Variants in CUBN observed in about 807,000 individuals in gnomAD.
The protein encoded by CUBN is cubilin.
A neutral mutation model predicts 405.3 loss-of-function variants in CUBN; 282 were observed. The ratio of observed to expected loss-of-function variants is 0.70; its 90% CI spans 0.63 to 0.77. The LOEUF (loss-of-function observed/expected upper bound fraction) is 0.77, where lower values mean the gene tolerates loss of function less well. CUBN is among the 30% of genes least tolerant of loss of function. The pLI is 0.00. For synonymous variants in CUBN, 1,684 were observed against 1,617.0 expected, an observed-to-expected ratio of 1.04 and a Z score of -0.99; for missense variants, 4,514 against 4,475.2, an observed-to-expected ratio of 1.01 and a Z score of -0.25.
intron 64 of CUBN, among the ~76,000 whole-genome samples, chr10:16,833,240 C>T (rs1839061282): frequency 6.6e-6 from 1 of 152,166 alleles, no homozygotes; most frequent in African/African-American, 2.4e-5. Context: ...CTTTACACTT[C>T]ATATAAATAT....
chr10:16,945,243 A>T lies in CUBN; in HGVS notation c.5342+1992T>A, dbSNP rs1047926194. Among the ~76,000 whole-genome samples, 9 of 152,174 alleles carry T rather than the reference A, an allele frequency of 5.9e-5. No homozygotes were observed. In the East Asian group the frequency reaches 1.5e-3, roughly 26 times the overall value. On this transcript the variant is annotated intron_variant, in intron 36 of 66. Coordinates refer to ENST00000377833, the MANE Select transcript of CUBN (RefSeq NM_001081.4). ...TTTATTTGGCAATTCTGATAGGCCT[A>T]CTAAAGCTGTGCGAAGGGCTTTGGA...
chr10:16,873,721 CAAAAAAAAAAAA>C (rs56307605), intron 58 of CUBN, among the ~76,000 whole-genome samples: 1 of 116,486 alleles, frequency 8.6e-6, no homozygotes, highest in Non-Finnish European at 1.7e-5. Context: ...GACCTTCTCT[CAAAAAAAAAAAA>C]AAAAGAAAAG....
chr10:16,866,407 A>G (rs1378700459), intron 59 of CUBN, among the ~76,000 whole-genome samples: 4 of 152,188 alleles, frequency 2.6e-5, no homozygotes, highest in Middle Eastern at 3.2e-3. Context: ...ACACATAAAC[A>G]GAGTCAAGGC....
chr10:16,971,282 G>A (rs1335902592), intron 31 of CUBN, among the ~76,000 whole-genome samples: 1 of 152,306 alleles, frequency 6.6e-6, no homozygotes, highest in East Asian at 1.9e-4. Flanking sequence ...GTTGGACTTT[G>A]GGGTACGTTT....
chr10:17,123,000 T>C lies in CUBN; in HGVS notation c.490-102A>G, dbSNP rs1004763005. 2.0e-5 allele frequency: 16 copies of C among 794,392 alleles called. No individual in the cohort carries two copies. In the Admixed American group the frequency reaches 3.0e-4, roughly 15 times the overall value. The allele number at this position is 794,392 out of a possible 1,614,324, so 49.2% of individuals were successfully genotyped here. ...TAAGGATTTATACGTGGACAGTATATAAGTCCTCATAAAGTCAAATACAAT... is the reference window on the plus strand; with the variant it reads ...TAAGGATTTATACGTGGACAGTATACAAGTCCTCATAAAGTCAAATACAAT... On this transcript the variant is annotated intron_variant, in intron 5 of 66. Coordinates refer to ENST00000377833, the MANE Select transcript of CUBN (RefSeq NM_001081.4).
intron 31 of CUBN, among the ~76,000 whole-genome samples, chr10:16,969,136 A>G (rs886513786): frequency 2.0e-5 from 3 of 152,258 alleles, no homozygotes; most frequent in Non-Finnish European, 4.4e-5. Flanking sequence ...TTGTATATCA[A>G]TAACAATGCC....
chr10:16,827,640 C>T (rs528369914), intron 66 of CUBN, among the ~76,000 whole-genome samples: 6 of 152,228 alleles, frequency 3.9e-5, no homozygotes, highest in East Asian at 1.9e-4. Flanking sequence ...CTGGCTCTGT[C>T]GCCCAGGCTG....
chr10:16,825,506 T>G (rs1187219627), intron 66 of CUBN, among the ~76,000 whole-genome samples: 1 of 152,160 alleles, frequency 6.6e-6, no homozygotes. Context: ...TACTGCAAAT[T>G]TAATTTTTCT....
At chr10:17,120,820 T>C (rs977463362) in intron 6 of CUBN, among the ~76,000 whole-genome samples, 1 of 152,216 alleles carries the variant, frequency 6.6e-6, no homozygotes, top group African/African-American at 2.4e-5. Context: ...CTTGTCGCTC[T>C]ATTGGCCCAC....
rs148242086 is a variant in CUBN, at chr10:16,922,922, T to C, written c.6646+2319A>G. Among the ~76,000 whole-genome samples the C allele has an allele frequency of 2.9e-3, 444 of 151,480 alleles. 4 individuals carry two copies. Among genetic ancestry groups the C allele is most frequent in the African/African-American group, 0.01 (417 of 41,244 alleles). On this transcript the variant is annotated intron_variant, in intron 43 of 66. Coordinates refer to ENST00000377833, the MANE Select transcript of CUBN (RefSeq NM_001081.4). ...TGGAGTGCAGTGGTATGATCGTGGCTCACTGCAGCCTCAACTTCCCGGGCT... is the reference window on the plus strand; with the variant it reads ...TGGAGTGCAGTGGTATGATCGTGGCCCACTGCAGCCTCAACTTCCCGGGCT...
At chr10:16,850,715 C>T (rs1032758154) in intron 60 of CUBN, among the ~76,000 whole-genome samples, 5 of 152,176 alleles carry the variant, frequency 3.3e-5, no homozygotes, top group African/African-American at 1.2e-4. Flanking sequence ...TCAAGTGATC[C>T]TCCTGCCTCG....
chr10:16,867,942 A>C (rs927502998), intron 59 of CUBN, among the ~76,000 whole-genome samples: 4 of 152,202 alleles, frequency 2.6e-5, no homozygotes, highest in African/African-American at 9.6e-5. Flanking sequence ...GTGAGACTAT[A>C]TTAGGAAAAA....
At chr10:17,083,516 A>AATACATAC (rs146497391) in intron 17 of CUBN, among the ~76,000 whole-genome samples, 25 of 142,724 alleles carry the variant, frequency 1.8e-4, no homozygotes, top group African/African-American at 6.4e-4. Flanking sequence ...AAAATAAATA[A>AATACATAC]ATACATACAT....
At chr10:16,882,433 T>A (rs986257173) in intron 56 of CUBN, among the ~76,000 whole-genome samples, 1 of 152,240 alleles carries the variant, frequency 6.6e-6, no homozygotes, top group African/African-American at 2.4e-5. Context: ...TACCATGCAG[T>A]AAAATTTAAT....
At chr10:16,836,204 T>C in intron 63 of CUBN, 31 bp downstream of exon 63, 4 of 1,594,504 alleles carry the variant, frequency 2.5e-6, no homozygotes, top group Non-Finnish European at 3.4e-6. Flanking sequence ...TGGCAGCTTT[T>C]TTGAATAAAA....
In CUBN at chr10:16,926,383, A is replaced by G. The variant is rs151030204; in HGVS notation, c.6272-609T>C. Among the ~76,000 whole-genome samples the G allele has an allele frequency of 2.1e-3, 323 of 152,276 alleles. 3 individuals carry two copies. Among genetic ancestry groups the G allele is most frequent in the African/African-American group, 6.8e-3 (283 of 41,568 alleles). On this transcript the variant is annotated intron_variant, in intron 41 of 66. Coordinates refer to ENST00000377833, the MANE Select transcript of CUBN (RefSeq NM_001081.4). ...AGACTTATTCTGAATAAGAAGAGGA[A>G]GATGTTGAAGGGTTTTGGGCATCAG...
At position 16,906,304 on chromosome 10, in the gene CUBN, C is replaced by T. The variant is rs1841553994; in HGVS notation, c.7811G>A (p.Ser2604Asn). The T allele has an allele frequency of 3.1e-6, 5 of 1,613,780 alleles. No homozygotes were observed. The highest frequency in any genetic ancestry group is 4.2e-6 in the Non-Finnish European group (5 of 1,179,676). ...GGATGAATTTCCCTGATTTGGATTGCTGAGAGTCCATTCGCAGTTCAGGTT... is the reference window on the plus strand; with the variant it reads ...GGATGAATTTCCCTGATTTGGATTGTTGAGAGTCCATTCGCAGTTCAGGTT... Reference protein sequence around the residue: ...SRNLNCEWTLSNPNQGNSSIS... With the variant: ...SRNLNCEWTLNNPNQGNSSIS... The change falls in exon 50 of 67, where the codon AGC becomes AAC. Residue 2604 changes from serine to asparagine, a missense_variant. Coordinates refer to ENST00000377833, the MANE Select transcript of CUBN (RefSeq NM_001081.4).
rs763368350 is a variant in CUBN at position 16,888,448 on chromosome 10, G to A, written c.8874C>T (p.Val2958=). ...YVIEANPLSV[V]LLTFVSFHLE... ...AGTGGAAGGACACAAAAGTCAAGAG[G>A]ACCACTGACAGAGGATTAGCCTCTA... Residue 2958 remains valine (V), a synonymous_variant, in exon 56 of 67, where the codon GTC becomes GTT. Coordinates refer to ENST00000377833, the MANE Select transcript of CUBN (RefSeq NM_001081.4). 3 of 1,613,276 alleles carry A rather than the reference G, an allele frequency of 1.9e-6. No homozygotes were observed. In the Admixed American group the frequency reaches 5.0e-5, roughly 27 times the overall value.
intron 48 of CUBN, among the ~76,000 whole-genome samples, chr10:16,912,927 G>T (rs1312978284): frequency 6.6e-6 from 1 of 152,198 alleles, no homozygotes; most frequent in Non-Finnish European, 1.5e-5. Context: ...TGTTGAGAAC[G>T]TAGGGAGAGG....
Sources: gnomAD v4.1 joint callset for allele counts (sites outside exome capture counted in the v4.1 genomes callset) on GRCh38, gnomAD v4.1.1 for gene constraint, MANE v1.5 for transcripts, NCBI Gene and HGNC (gene_info 2026-07-23, HGNC 2026-07-21) for gene names.